The following WDR74 variants were observed in gnomAD, a reference collection of about 807,000 sequenced individuals.
The protein encoded by WDR74 is WD repeat domain 74.
A neutral mutation model predicts 45.6 loss-of-function variants in WDR74; 31 were observed. The ratio of observed to expected loss-of-function variants is 0.68; its 90% CI spans 0.51 to 0.92. The LOEUF (loss-of-function observed/expected upper bound fraction) is 0.92, where lower values mean the gene tolerates loss of function less well. Among genes scored for constraint, WDR74 ranks in the 40% least tolerant of loss-of-function variants. The pLI, the probability that WDR74 is intolerant of heterozygous loss-of-function variation, is 0.00. For missense variants in WDR74, 455 were observed against 497.2 expected (o/e 0.92, Z 0.81); for synonymous variants, 191 against 192.4 (o/e 0.99, Z 0.06).
chr11:62,833,272 A>AC (rs1468912225), intron 10 of WDR74, 141 bp from the exon 11 acceptor site: 6 of 439,264 alleles, frequency 1.4e-5, no homozygotes, highest in Middle Eastern at 1.3e-3. Context: ...ACATAAGGAG[A>AC]CCCCATCTCC....
At position 62,833,877 on chromosome 11, in the gene WDR74, G is replaced by A. The variant is rs753357802; in HGVS notation, c.836C>T (p.Pro279Leu). Residue 279 changes from proline (P) to leucine (L), a missense_variant, in exon 9 of 11, where the codon CCT (proline) becomes CTT (leucine). By Grantham distance (98) the Pro-to-Leu change is moderately conservative. Transcript: ENST00000278856. ...AGSVRGLQCH[P>L]SKPLLASCGL... The stretch of plus-strand genomic sequence containing the variant: ...ACAGGAGGCTAGTAGAGGCTTTGAA[G>A]GGTGGCACTGCAACCCACGCACACT... 2.5e-6 allele frequency: 4 copies of A among 1,613,988 alleles called. No homozygotes were observed. The highest frequency in any genetic ancestry group is 1.7e-5 in the Admixed American group (1 of 60,014).
chr11:62,841,486 T>C (rs959272589), upstream of WDR74: 5 of 152,100 alleles, frequency 3.3e-5, no homozygotes, highest in East Asian at 1.9e-4. Flanking sequence ...AACAAGACAC[T>C]CAAACACGCG....
chr11:62,835,694 C>T lies in WDR74; in HGVS notation c.516+1G>A, dbSNP rs1412680907. Reference sequence around the variant, plus strand: ...AGCTCCTTCACACTCTTGTCACTCACGTTCTTGGCCCTGAACACAGGTTCC... The same window carrying T: ...AGCTCCTTCACACTCTTGTCACTCATGTTCTTGGCCCTGAACACAGGTTCC... On this transcript the variant is annotated splice_donor_variant, in intron 5 of 10. Coordinates refer to ENST00000278856, the MANE Select transcript of WDR74 (RefSeq NM_001369450.1). LOFTEE classifies it high-confidence loss of function. 13 of 1,613,980 alleles carry T rather than the reference C, an allele frequency of 8.1e-6. No individual in the cohort carries two copies. The highest frequency in any genetic ancestry group is 5.5e-5 in the South Asian group (5 of 91,088).
rs766243027 is a variant in WDR74 at position 62,839,353 on chromosome 11, G to A, written c.140C>T (p.Ala47Val). Residue 47 changes from alanine to valine, a missense_variant, in exon 2 of 11, where the codon GCC (alanine) becomes GTC (valine). Coordinates refer to ENST00000278856, the MANE Select transcript of WDR74 (RefSeq NM_001369450.1). ...GQPRREEAVS[A>V]LCWGTGGETQ... ...CTCGCCGCCGGTGCCCCAACACAGG[G>A]CGCTCACTGCCTCCTCGCGCCGCGG... is the stretch of plus-strand genomic sequence containing the variant. 28 of 1,611,586 alleles carry A rather than the reference G, an allele frequency of 1.7e-5. No individual in the cohort carries two copies. The Admixed American group carries it at 3.8e-4, about 22-fold the overall frequency.
chr11:62,837,489 TC>T (rs898761601), intron 3 of WDR74, among the ~76,000 whole-genome samples: 5 of 144,046 alleles, frequency 3.5e-5, no homozygotes, highest in Non-Finnish European at 1.5e-5. Context: ...AGAGTGAGAC[TC>T]CGTATATAAA....
At position 62,839,371 on chromosome 11, in the gene WDR74, C is replaced by A. The variant is rs2085011083; in HGVS notation, c.122G>T (p.Arg41Leu). The change falls in exon 2 of 11, where the codon CGC (arginine) becomes CTC (leucine). Residue 41 changes from arginine to leucine, a missense_variant. Physicochemically the swap from Arg to Leu is moderately radical, Grantham distance 102. Coordinates refer to ENST00000278856, the MANE Select transcript of WDR74 (RefSeq NM_001369450.1). Reference sequence around the variant, plus strand: ...ACACAGGGCGCTCACTGCCTCCTCGCGCCGCGGCTGTCCTCCGGCCGTGAA... The same window carrying A: ...ACACAGGGCGCTCACTGCCTCCTCGAGCCGCGGCTGTCCTCCGGCCGTGAA... Reference protein sequence around the residue: ...ANFTAGGQPRREEAVSALCWG... With the variant: ...ANFTAGGQPRLEEAVSALCWG... 6.2e-7 allele frequency: 1 copy of A among 1,612,324 alleles called. No individual in the cohort carries two copies. The highest frequency in any genetic ancestry group is 8.5e-7 in the Non-Finnish European group (1 of 1,179,790).
chr11:62,835,349 G>A, intron 6 of WDR74, 82 bp downstream of exon 6: 1 of 1,271,214 alleles, frequency 7.9e-7, no homozygotes. Flanking sequence ...GGTGAGAAGA[G>A]CAGTTGTGTC....
chr11:62,833,707 C>A, intron 9 of WDR74, 33 bp from the exon 10 acceptor site: 1 of 1,575,642 alleles, frequency 6.3e-7, no homozygotes, highest in Non-Finnish European at 8.6e-7. Context: ...AGGAGCCAGG[C>A]ATGCTGAGAC....
chr11:62,833,675 C>G lies in WDR74; in HGVS notation c.922-1G>C, dbSNP rs189126082. On this transcript the variant is annotated splice_acceptor_variant, in intron 9 of 10. Transcript: ENST00000278856. LOFTEE classifies it high-confidence loss of function. ...AGTTCAATTGAGACTTGAGATAAAC[C>G]TGCAAAAGATGAGGGACCTTAAGGA... The G allele has an allele frequency of 4.5e-6, 7 of 1,558,046 alleles. No homozygotes were observed. The highest frequency in any genetic ancestry group is 6.1e-6 in the Non-Finnish European group (7 of 1,150,492).
rs772963137 is a variant in WDR74 at position 62,835,449 on chromosome 11, G to C, written c.600C>G (p.Thr200=). The change falls in exon 6 of 11, where the codon ACC becomes ACG. Residue 200 remains threonine (T), a synonymous_variant. Coordinates refer to ENST00000278856, the MANE Select transcript of WDR74 (RefSeq NM_001369450.1). ...QFLPGSQKLV[T]CTGYHQVRVY... is the part of the protein sequence containing the mutation. ...ACCTTACCTGGTGGTACCCTGTGCA[G>C]GTGACAAGCTTCTGTGATCCTGGGA... is the stretch of plus-strand genomic sequence containing the variant. The C allele has an allele frequency of 3.7e-6, 6 of 1,613,860 alleles. No homozygotes were observed. The African/African-American group carries it at 8.0e-5, about 22-fold the overall frequency.
At chr11:62,841,557 T>G (rs574282681), upstream of WDR74, 8 of 151,850 alleles carry the variant, frequency 5.3e-5, no homozygotes, top group African/African-American at 1.2e-4. Context: ...AACATAACTA[T>G]TTAGCTTGTA....
At chr11:62,841,729 C>CTCGGATAGAGGA (rs1285571779), upstream of WDR74, 1 of 152,124 alleles carries the variant, frequency 6.6e-6, no homozygotes, top group Non-Finnish European at 1.5e-5. Flanking sequence ...ATATATTGTC[C>CTCGGATAGAGGA]TCGGATAGAG....
rs905996309 is a variant in WDR74 at position 62,833,230 on chromosome 11, T to C, written c.979-99A>G. Reference sequence around the variant, plus strand: ...TGGGAGACCAAGGCAGGAGGATTGCTTGAGCCCAGGACTTAGCGACCAGAC... The same window carrying C: ...TGGGAGACCAAGGCAGGAGGATTGCCTGAGCCCAGGACTTAGCGACCAGAC... On this transcript the variant is annotated intron_variant, in intron 10 of 10. Transcript: ENST00000278856. The C allele has an allele frequency of 9.2e-6, 12 of 1,306,614 alleles. No individual in the cohort carries two copies. The Admixed American group carries it at 2.8e-4, about 30-fold the overall frequency. 80.9% of individuals were successfully genotyped at this position (1,306,614 alleles called of 1,614,324 possible).
intron 10 of WDR74, among the ~76,000 whole-genome samples, chr11:62,833,365 A>G (rs1365156975): frequency 2.0e-5 from 3 of 151,456 alleles, no homozygotes; most frequent in African/African-American, 7.3e-5. Flanking sequence ...ACAGGGAAGG[A>G]GACCCTGGCT....
At chr11:62,841,151 T>C (rs976129437), upstream of WDR74, among the ~76,000 whole-genome samples, 4 of 152,164 alleles carry the variant, frequency 2.6e-5, no homozygotes, top group African/African-American at 7.2e-5. Context: ...ACCCCGTCTC[T>C]ATTAAAAGTA....
At chr11:62,835,577 T>A in intron 5 of WDR74, 45 bp from the exon 6 acceptor site, 2 of 1,610,840 alleles carry the variant, frequency 1.2e-6, no homozygotes, top group Non-Finnish European at 8.5e-7. Flanking sequence ...GGGGGCTCGA[T>A]GTGCCCCTGT....
upstream of WDR74, chr11:62,841,709 A>AT (rs2085064363): frequency 6.6e-6 from 1 of 152,202 alleles, no homozygotes; most frequent in South Asian, 2.1e-4. Flanking sequence ...TATTTCCAAA[A>AT]ATCCATTTAA....
rs761398726 is a variant in WDR74 at position 62,839,462 on chromosome 11, G to C, written c.65-34C>G. Reference sequence around the variant, plus strand: ...CGAAGGCGTCAGTCACGCCAGGGGCGCGAGTGCACCCCTGCACTTCCCGAC... The same window carrying C: ...CGAAGGCGTCAGTCACGCCAGGGGCCCGAGTGCACCCCTGCACTTCCCGAC... On this transcript the variant is annotated intron_variant, in intron 1 of 10. Coordinates refer to ENST00000278856, the MANE Select transcript of WDR74 (RefSeq NM_001369450.1). The C allele has an allele frequency of 2.5e-6, 4 of 1,613,488 alleles. No homozygotes were observed. The East Asian group carries it at 8.9e-5, about 36-fold the overall frequency.
At chr11:62,841,183 G>A (rs2085039719), upstream of WDR74, among the ~76,000 whole-genome samples, 1 of 152,182 alleles carries the variant, frequency 6.6e-6, no homozygotes, top group Non-Finnish European at 1.5e-5. Flanking sequence ...TGGGCGTGGT[G>A]GCGGGCGCCT....
Sources: allele counts gnomAD v4.1 joint callset (sites outside exome capture counted in the v4.1 genomes callset), GRCh38; gene constraint gnomAD v4.1.1; transcripts MANE v1.5; gene names NCBI Gene and HGNC (gene_info 2026-07-23, HGNC 2026-07-21).